AZIN1: variants seen among roughly 807,000 people sequenced by gnomAD.
AZIN1 encodes the protein ornithine decarboxylase antizyme inhibitor.
A neutral mutation model predicts 47.4 loss-of-function variants in AZIN1; 12 were observed. That is an observed-to-expected ratio of 0.25 (90% CI 0.16 to 0.41). The LOEUF is 0.41. AZIN1 is among the 10% of genes least tolerant of loss of function. The pLI is 1.00. For missense variants in AZIN1, 410 were observed against 532.4 expected (o/e 0.77, Z 2.26); for synonymous variants, 155 against 176.3 (o/e 0.88, Z 0.96).
intron 8 of AZIN1, among the ~76,000 whole-genome samples, chr8:102,833,598 GT>G (rs1012237549): frequency 3.3e-5 from 5 of 152,008 alleles, no homozygotes; most frequent in Non-Finnish European, 7.4e-5. Flanking sequence ...GGTGTGACGT[GT>G]ATCTGGCCTA....
chr8:102,859,347 G>C (rs958737669), intron 1 of AZIN1, among the ~76,000 whole-genome samples: 2 of 152,140 alleles, frequency 1.3e-5, no homozygotes, highest in Non-Finnish European at 2.9e-5. Context: ...TAAGGAATAG[G>C]ATCAGATACC....
intron 1 of AZIN1, among the ~76,000 whole-genome samples, chr8:102,860,846 AC>A (rs1563553279): frequency 1.3e-5 from 2 of 152,192 alleles, no homozygotes; most frequent in African/African-American, 4.8e-5. Context: ...CATGAGAAAA[AC>A]ATCAGGTAAA....
chr8:102,834,271 TG>T lies in AZIN1; in HGVS notation c.667-9del. ...CGTAAAGCCAATTTCTCCCTAGAGA[TG>T]GAAAAAAAAAATTTAAATGTTTTTC... On this transcript the variant is annotated splice_polypyrimidine_tract_variant and intron_variant, in intron 7 of 11. Coordinates refer to ENST00000337198, the MANE Select transcript of AZIN1 (RefSeq NM_148174.4). 1 of 1,603,910 alleles carries T rather than the reference TG, an allele frequency of 6.2e-7. No individual in the cohort carries two copies.
At chr8:102,836,153 G>T in intron 6 of AZIN1, 103 bp downstream of exon 6, 1 of 1,285,142 alleles carries the variant, frequency 7.8e-7, no homozygotes, top group East Asian at 2.4e-5. Flanking sequence ...AGAAAAAATT[G>T]CATCTTAGAT....
chr8:102,834,461 C>T (rs1002072124), intron 7 of AZIN1, among the ~76,000 whole-genome samples, 198 bp from the exon 8 acceptor site: 1 of 152,114 alleles, frequency 6.6e-6, no homozygotes. Context: ...CTCTTCTAGA[C>T]TTATGCAAGT....
chr8:102,827,905 A>G lies in AZIN1; in HGVS notation c.*662T>C, dbSNP rs1370555651. 1 of 152,386 alleles carries G rather than the reference A, an allele frequency of 6.6e-6. No homozygotes were observed. The highest frequency in any genetic ancestry group is 2.4e-5 in the African/African-American group (1 of 41,230). 9.4% of individuals were successfully genotyped at this position (152,386 alleles called of 1,614,324 possible). A position where few individuals can be genotyped will look rare whatever the true frequency, so the allele number is the denominator to read the frequency against. ...GCCAAACAAAACTTAACTGGGCTAT[A>G]AAGAAAAAAACCCTTCAAAACAGTC... On this transcript the variant is annotated 3_prime_UTR_variant, in exon 12 of 12. Coordinates refer to ENST00000337198, the MANE Select transcript of AZIN1 (RefSeq NM_148174.4).
Position 102,838,779 on chromosome 8 carries a change from T to G in AZIN1, c.414A>C (p.Glu138Asp). 6.2e-7 allele frequency: 1 copy of G among 1,613,116 alleles called. No homozygotes were observed. The highest frequency in any genetic ancestry group is 8.5e-7 in the Non-Finnish European group (1 of 1,179,770). Residue 138 changes from glutamate to aspartate, a missense_variant, in exon 5 of 12, where the codon GAA becomes GAC. Glu to Asp is a conservative substitution (Grantham distance 45). Around this residue, in one of 3 missense-constraint regions of AZIN1, gnomAD observed 237 missense variants for 309.4 expected, o/e 0.77. Transcript: ENST00000337198. ...VNILTCDNEI[E>D]LKKIARNHPN... ...GGTGATTACGTGCAATTTTCTTCAA[T>G]TCAATTTCATTGTCACATGTCAGGA...
At chr8:102,839,028 G>A (rs1014731089) in intron 4 of AZIN1, 112 bp from the exon 5 acceptor site, 1 of 952,972 alleles carries the variant, frequency 1.0e-6, no homozygotes, top group Non-Finnish European at 1.5e-6. Context: ...CTCACTCTTT[G>A]TATTCCAGGC....
At chr8:102,849,712 TTACACTAA>T (rs1347624595) in intron 2 of AZIN1, among the ~76,000 whole-genome samples, 2 of 152,224 alleles carry the variant, frequency 1.3e-5, no homozygotes, top group East Asian at 3.8e-4. Context: ...TCAGGTTATT[TTACACTAA>T]TACAGTAGCG....
intron 2 of AZIN1, among the ~76,000 whole-genome samples, chr8:102,852,620 C>T (rs147484691): frequency 1.7e-3 from 256 of 152,142 alleles, no homozygotes; most frequent in African/African-American, 5.9e-3. Context: ...ATTAGCAGGG[C>T]GTGGTGGCAT....
intron 1 of AZIN1, among the ~76,000 whole-genome samples, chr8:102,860,244 G>C (rs776196754): frequency 2.6e-5 from 4 of 152,164 alleles, no homozygotes; most frequent in Admixed American, 6.5e-5. Flanking sequence ...TAAGAAACAA[G>C]AAGCATTTTA....
At chr8:102,831,807 T>C (rs754920871) in intron 9 of AZIN1, among the ~76,000 whole-genome samples, 6 of 151,912 alleles carry the variant, frequency 3.9e-5, no homozygotes, top group Non-Finnish European at 7.4e-5. Context: ...GAAAAAAACC[T>C]AGCCAGGCAT....
At chr8:102,857,693 C>CA (rs1813383427) in intron 2 of AZIN1, among the ~76,000 whole-genome samples, 1 of 151,972 alleles carries the variant, frequency 6.6e-6, no homozygotes, top group Non-Finnish European at 1.5e-5. Context: ...AGCTGAGTAG[C>CA]AAAAATCATT....
chr8:102,863,369 C>T (rs1365164075), intron 1 of AZIN1, among the ~76,000 whole-genome samples: 1 of 151,622 alleles, frequency 6.6e-6, no homozygotes. Context: ...AAGGTGGCGG[C>T]GGCGCACCGC....
At chr8:102,862,940 G>A (rs1417167084) in intron 1 of AZIN1, among the ~76,000 whole-genome samples, 1 of 152,222 alleles carries the variant, frequency 6.6e-6, no homozygotes, top group African/African-American at 2.4e-5. Context: ...AGTCAAGACA[G>A]TAGTTGATAA....
chr8:102,844,652 A>G (rs1350756214), intron 2 of AZIN1, among the ~76,000 whole-genome samples: 2 of 151,914 alleles, frequency 1.3e-5, no homozygotes, highest in African/African-American at 4.8e-5. Context: ...AAAAAAAATC[A>G]TAGAGCATAT....
At chr8:102,854,594 CAAAAAAAAAAA>C in intron 2 of AZIN1, 1 of 112,814 alleles carries the variant, frequency 8.9e-6, no homozygotes, top group African/African-American at 3.3e-5. Flanking sequence ...GAGACTCTGT[CAAAAAAAAAAA>C]AAATATATAT....
In AZIN1 at chr8:102,836,241, AAAAC is replaced by A; in HGVS notation, c.584+11_584+14del. On this transcript the variant is annotated intron_variant, in intron 6 of 11. Transcript: ENST00000337198. ...AAAATGTTCACAGCTTTAAAAGTTT[AAAAC>A]AAATACTCACTTAACCCCAATTATT... 1 of 1,610,690 alleles carries A rather than the reference AAAAC, an allele frequency of 6.2e-7. No homozygotes were observed. The highest frequency in any genetic ancestry group is 1.1e-5 in the South Asian group (1 of 90,488).
chr8:102,848,817 C>T (rs568008600), intron 2 of AZIN1, among the ~76,000 whole-genome samples: 55 of 152,258 alleles, frequency 3.6e-4, no homozygotes, highest in African/African-American at 1.3e-3. Context: ...ACATTTATGC[C>T]TTACTGAAAG....
Sources: allele counts gnomAD v4.1 joint callset (sites outside exome capture counted in the v4.1 genomes callset), GRCh38; gene constraint gnomAD v4.1.1; regional missense constraint gnomAD v4.1.1; transcripts MANE v1.5; gene names NCBI Gene and HGNC (gene_info 2026-07-23, HGNC 2026-07-21).